PLEKHA7: variants seen among roughly 807,000 people sequenced by gnomAD.
The protein encoded by PLEKHA7 is pleckstrin homology domain-containing family A member 7.
A neutral mutation model predicts 170.0 loss-of-function variants in PLEKHA7; 104 were observed. The observed-to-expected ratio is 0.61, with a 90% CI of 0.52 to 0.72. PLEKHA7 has a LOEUF of 0.72. Ranked by LOEUF, PLEKHA7 falls within the 30% of genes least tolerant of loss-of-function variation. The probability of loss-of-function intolerance (pLI) is 0.00; values close to 1 mark genes in which losing one functional copy is unlikely to be tolerated. For missense variants in PLEKHA7, 1,615 were observed against 1,671.7 expected, an observed-to-expected ratio of 0.97 and a Z score of 0.59; for synonymous variants, 648 against 660.8, an observed-to-expected ratio of 0.98 and a Z score of 0.30.
At chr11:16,865,307 A>G (rs1854293946) in intron 4 of PLEKHA7, among the ~76,000 whole-genome samples, 1 of 152,174 alleles carries the variant, frequency 6.6e-6, no homozygotes, top group South Asian at 2.1e-4. Flanking sequence ...ATTTTCACAA[A>G]CCTACTGGCT....
chr11:16,822,613 C>A (rs1250231280), intron 10 of PLEKHA7, among the ~76,000 whole-genome samples: 1 of 152,026 alleles, frequency 6.6e-6, no homozygotes, highest in African/African-American at 2.4e-5. Context: ...AAACTCTCCC[C>A]AACAAAACCT....
intron 11 of PLEKHA7, 101 bp from the exon 12 acceptor site, chr11:16,816,365 C>T: frequency 1.3e-6 from 1 of 794,486 alleles, no homozygotes; most frequent in Non-Finnish European, 2.2e-6. Flanking sequence ...CCCCAGACTT[C>T]TCATCTATGA....
intron 3 of PLEKHA7, among the ~76,000 whole-genome samples, chr11:16,977,613 T>C (rs1031175392): frequency 2.6e-5 from 4 of 152,134 alleles, no homozygotes. Flanking sequence ...ACAGCAGATA[T>C]GAAATAAATA....
intron 3 of PLEKHA7, among the ~76,000 whole-genome samples, chr11:17,012,441 A>C (rs1038505000): frequency 1.3e-5 from 2 of 152,116 alleles, no homozygotes; most frequent in Non-Finnish European, 1.5e-5. Flanking sequence ...TCATCACATG[A>C]TGTCTCCTTC....
At chr11:16,804,162 A>G (rs1206381851) in intron 13 of PLEKHA7, among the ~76,000 whole-genome samples, 1 of 151,982 alleles carries the variant, frequency 6.6e-6, no homozygotes, top group Non-Finnish European at 1.5e-5. Context: ...TCACAGATGC[A>G]CCCTCCCATG....
chr11:16,908,344 A>G (rs1471032728), intron 3 of PLEKHA7, among the ~76,000 whole-genome samples: 1 of 151,908 alleles, frequency 6.6e-6, no homozygotes, highest in East Asian at 1.9e-4. Context: ...TGGTGTTCTC[A>G]TAAGAGGGGG....
intron 3 of PLEKHA7, among the ~76,000 whole-genome samples, chr11:17,009,917 T>C (rs1006477856): frequency 5.3e-5 from 8 of 152,056 alleles, no homozygotes; most frequent in African/African-American, 1.9e-4. Context: ...CATGAGCCAC[T>C]ATACCCAGCC....
At chr11:16,878,582 T>C (rs1352323575) in intron 3 of PLEKHA7, among the ~76,000 whole-genome samples, 1 of 152,202 alleles carries the variant, frequency 6.6e-6, no homozygotes, top group Non-Finnish European at 1.5e-5. Context: ...TAGCTGTCCT[T>C]GCAGCCTGGA....
At chr11:16,814,511 C>A (rs1306188135) in intron 12 of PLEKHA7, among the ~76,000 whole-genome samples, 1 of 152,174 alleles carries the variant, frequency 6.6e-6, no homozygotes, top group African/African-American at 2.4e-5. Flanking sequence ...GCTCAAGATA[C>A]CCGGGAGGGC....
At chr11:16,967,527 T>G (rs1018766835) in intron 3 of PLEKHA7, among the ~76,000 whole-genome samples, 2 of 152,208 alleles carry the variant, frequency 1.3e-5, no homozygotes, top group African/African-American at 4.8e-5. Flanking sequence ...CTTAATGCCA[T>G]GAGGCCCTCC....
intron 8 of PLEKHA7, among the ~76,000 whole-genome samples, chr11:16,848,857 C>T (rs1852685475): frequency 6.6e-6 from 1 of 152,176 alleles, no homozygotes. Flanking sequence ...GCTCTATATA[C>T]AGAGAAGGAC....
chr11:16,921,780 A>G (rs1033588621), intron 3 of PLEKHA7, among the ~76,000 whole-genome samples: 1 of 152,268 alleles, frequency 6.6e-6, no homozygotes, highest in Non-Finnish European at 1.5e-5. Flanking sequence ...GCAATGCTGC[A>G]TTACAGTTGA....
intron 3 of PLEKHA7, among the ~76,000 whole-genome samples, chr11:17,000,209 G>A (rs939440962): frequency 3.3e-5 from 5 of 152,002 alleles, no homozygotes; most frequent in African/African-American, 7.3e-5. Flanking sequence ...TCAGCCTCCC[G>A]AGTGGCTGGA....
intron 9 of PLEKHA7, among the ~76,000 whole-genome samples, chr11:16,827,916 C>T (rs912565777): frequency 9.4e-5 from 14 of 149,072 alleles, no homozygotes; most frequent in African/African-American, 1.5e-4. Flanking sequence ...CATGAGAGTA[C>T]ATAATAGAAA....
intron 3 of PLEKHA7, among the ~76,000 whole-genome samples, chr11:17,006,395 G>A (rs573810026): frequency 6.6e-6 from 1 of 151,386 alleles, no homozygotes; most frequent in African/African-American, 2.4e-5. Context: ...GGGAGGCCAA[G>A]GCAGGCGGAT....
chr11:16,964,267 G>A (rs1000656265), intron 3 of PLEKHA7, among the ~76,000 whole-genome samples: 10 of 152,184 alleles, frequency 6.6e-5, no homozygotes, highest in Non-Finnish European at 1.2e-4. Flanking sequence ...GAATAATGCT[G>A]CAATGCACCT....
chr11:16,964,096 C>G (rs1218989553), intron 3 of PLEKHA7, among the ~76,000 whole-genome samples: 1 of 152,168 alleles, frequency 6.6e-6, no homozygotes, highest in Non-Finnish European at 1.5e-5. Context: ...GCTTATTTTA[C>G]TCAGCATGAT....
intron 6 of PLEKHA7, among the ~76,000 whole-genome samples, chr11:16,853,978 G>A (rs1590346854): frequency 6.6e-6 from 1 of 152,342 alleles, no homozygotes; most frequent in African/African-American, 2.4e-5. Context: ...GCTATGCTAG[G>A]TGAGAGACAG....
chr11:16,971,849 G>A (rs536949290), intron 3 of PLEKHA7, among the ~76,000 whole-genome samples: 79 of 151,486 alleles, frequency 5.2e-4, no homozygotes, highest in Non-Finnish European at 1.6e-4. Flanking sequence ...ATTGAGACAG[G>A]GCCTCGCTCT....
Sources: allele counts gnomAD v4.1 joint callset (sites outside exome capture counted in the v4.1 genomes callset), GRCh38; gene constraint gnomAD v4.1.1; transcripts MANE v1.5; gene names NCBI Gene and HGNC (gene_info 2026-07-23, HGNC 2026-07-21).